The following DLG2 variants were observed in gnomAD, a reference collection of about 807,000 sequenced individuals.
DLG2 encodes disks large homolog 2.
Under a neutral mutation model 132.5 loss-of-function variants are expected in DLG2, and 45 were observed. The ratio of observed to expected loss-of-function variants is 0.34; its 90% CI spans 0.27 to 0.44. The LOEUF (loss-of-function observed/expected upper bound fraction) is 0.44, where lower values mean the gene tolerates loss of function less well. Ranked by LOEUF, DLG2 falls within the 20% of genes least tolerant of loss-of-function variation. The pLI is 1.00. For missense variants in DLG2, 1,045 were observed against 1,196.9 expected (o/e 0.87, Z 1.87); for synonymous variants, 424 against 419.6 (o/e 1.01, Z -0.13).
intron 18 of DLG2, among the ~76,000 whole-genome samples, chr11:83,753,893 CAT>C (rs1402596865): frequency 7.6e-5 from 4 of 52,828 alleles, no homozygotes; most frequent in Middle Eastern, 0.016. Flanking sequence ...TCATATATAT[CAT>C]ATATATATTT....
intron 3 of DLG2, among the ~76,000 whole-genome samples, chr11:85,568,003 T>C (rs558219248): frequency 3.3e-5 from 5 of 151,842 alleles, no homozygotes; most frequent in Non-Finnish European, 7.4e-5. Context: ...ATTTTTTTAA[T>C]GTGCTACTAG....
At chr11:84,796,715 G>A (rs2074664867) in intron 6 of DLG2, among the ~76,000 whole-genome samples, 2 of 151,600 alleles carry the variant, frequency 1.3e-5, no homozygotes, top group South Asian at 4.2e-4. Context: ...AATATGTCAT[G>A]CCACTCTCTC....
chr11:85,499,590 T>C (rs921993696), intron 3 of DLG2, among the ~76,000 whole-genome samples: 3 of 152,178 alleles, frequency 2.0e-5, no homozygotes, highest in Non-Finnish European at 4.4e-5. Context: ...CCCTAACTCA[T>C]TTCATGAGGC....
chr11:83,712,638 G>A (rs1448407520), intron 18 of DLG2, among the ~76,000 whole-genome samples: 1 of 152,008 alleles, frequency 6.6e-6, no homozygotes, highest in African/African-American at 2.4e-5. Context: ...TCAAAAAAAA[G>A]GATCAAGATT....
At chr11:84,098,672 ATT>A (rs2092093529) in intron 10 of DLG2, among the ~76,000 whole-genome samples, 1 of 152,150 alleles carries the variant, frequency 6.6e-6, no homozygotes, top group Non-Finnish European at 1.5e-5. Context: ...CAAACAAAAG[ATT>A]TATCTTCATC....
At chr11:84,089,173 C>T (rs1020583050) in intron 10 of DLG2, among the ~76,000 whole-genome samples, 1 of 152,132 alleles carries the variant, frequency 6.6e-6, no homozygotes, top group East Asian at 1.9e-4. Context: ...TCCTAGAAAT[C>T]TTTCATTTTC....
At chr11:85,438,385 T>A (rs2091602969) in intron 3 of DLG2, among the ~76,000 whole-genome samples, 2 of 152,210 alleles carry the variant, frequency 1.3e-5, no homozygotes, top group African/African-American at 4.8e-5. Context: ...CTTGTCTTTA[T>A]TTTCTACAGG....
chr11:83,657,731 G>A (rs975640352), intron 18 of DLG2, among the ~76,000 whole-genome samples: 1 of 151,734 alleles, frequency 6.6e-6, no homozygotes, highest in Non-Finnish European at 1.5e-5. Flanking sequence ...TAGTAGAGAC[G>A]GGGTTTCACC....
intron 3 of DLG2, among the ~76,000 whole-genome samples, chr11:85,504,224 C>A (rs557553146): frequency 6.6e-6 from 1 of 151,996 alleles, no homozygotes; most frequent in Non-Finnish European, 1.5e-5. Flanking sequence ...TAATTAGATC[C>A]CATTTGTCAA....
chr11:85,242,723 ATAATTC>A (rs1043720752), intron 4 of DLG2, among the ~76,000 whole-genome samples: 1 of 151,642 alleles, frequency 6.6e-6, no homozygotes, highest in Non-Finnish European at 1.5e-5. Context: ...TTATTTTCTT[ATAATTC>A]TAATATCTTA....
intron 6 of DLG2, among the ~76,000 whole-genome samples, chr11:84,871,864 G>A (rs961849032): frequency 2.0e-5 from 3 of 151,996 alleles, no homozygotes; most frequent in Admixed American, 6.6e-5. Context: ...TAGTAGAGAC[G>A]GGGTTTCACC....
chr11:83,688,074 C>A (rs1371342834), intron 18 of DLG2, among the ~76,000 whole-genome samples: 1 of 151,878 alleles, frequency 6.6e-6, no homozygotes, highest in African/African-American at 2.4e-5. Context: ...AGAGAAGAAG[C>A]TGTGCTCTCA....
chr11:84,603,082 T>G (rs919152160), intron 6 of DLG2, among the ~76,000 whole-genome samples: 2 of 151,962 alleles, frequency 1.3e-5, no homozygotes, highest in African/African-American at 4.8e-5. Flanking sequence ...CTAGGTCAAA[T>G]GTAACATCAA....
intron 3 of DLG2, among the ~76,000 whole-genome samples, chr11:85,434,345 A>G (rs912697885): frequency 6.6e-6 from 1 of 152,088 alleles, no homozygotes; most frequent in Non-Finnish European, 1.5e-5. Context: ...AAGGAGATAG[A>G]GACACGAAAA....
chr11:85,087,532 G>A (rs1055745503), intron 6 of DLG2, among the ~76,000 whole-genome samples: 1 of 152,172 alleles, frequency 6.6e-6, no homozygotes. Flanking sequence ...ATGAACTAGA[G>A]GAGACATGCA....
intron 2 of DLG2, among the ~76,000 whole-genome samples, chr11:85,608,123 G>A (rs1203486270): frequency 6.6e-6 from 1 of 152,142 alleles, no homozygotes; most frequent in African/African-American, 2.4e-5. Context: ...GTGGCGGTGA[G>A]CACAACTATT....
chr11:84,474,472 C>A (rs2099116454), intron 7 of DLG2, among the ~76,000 whole-genome samples: 1 of 152,000 alleles, frequency 6.6e-6, no homozygotes, highest in Non-Finnish European at 1.5e-5. Flanking sequence ...AATTAAGAGG[C>A]CCCAGGGCTG....
intron 7 of DLG2, among the ~76,000 whole-genome samples, chr11:84,434,054 G>A (rs1034225906): frequency 6.7e-6 from 1 of 149,412 alleles, no homozygotes; most frequent in Non-Finnish European, 1.5e-5. Flanking sequence ...GAGAGGTTGA[G>A]ACTGCAGTTT....
chr11:85,470,902 T>C (rs767260110), intron 3 of DLG2, among the ~76,000 whole-genome samples: 1 of 152,206 alleles, frequency 6.6e-6, no homozygotes, highest in Non-Finnish European at 1.5e-5. Context: ...CAAAGGAGGA[T>C]AAGACACAGA....
Sources: allele counts gnomAD v4.1 joint callset (sites outside exome capture counted in the v4.1 genomes callset), GRCh38; gene constraint gnomAD v4.1.1; transcripts MANE v1.5; gene names NCBI Gene and HGNC (gene_info 2026-07-23, HGNC 2026-07-21).